Variants in SLC9A9 observed in about 807,000 individuals in gnomAD.
SLC9A9 encodes the protein solute carrier family 9 member A9.
A neutral mutation model predicts 77.8 loss-of-function variants in SLC9A9; 62 were observed. The ratio of observed to expected loss-of-function variants is 0.80; its 90% CI spans 0.65 to 0.98. SLC9A9 has a LOEUF of 0.98. SLC9A9 is among the 50% of genes least tolerant of loss of function. SLC9A9 has a pLI of 0.00. For synonymous variants in SLC9A9, 320 were observed against 283.5 expected (o/e 1.13, Z -1.29); for missense variants, 775 against 774.9 (o/e 1.00, Z 0.00).
chr3:143,781,219 T>A (rs1368624938), intron 4 of SLC9A9, among the ~76,000 whole-genome samples: 1 of 152,222 alleles, frequency 6.6e-6, no homozygotes, highest in South Asian at 2.1e-4. Context: ...AAGTTTCTAA[T>A]GTAAATTAAC....
At chr3:143,526,602 C>T (rs2036410059) in intron 9 of SLC9A9, among the ~76,000 whole-genome samples, 1 of 152,180 alleles carries the variant, frequency 6.6e-6, no homozygotes, top group African/African-American at 2.4e-5. Flanking sequence ...TGCCTCCTCA[C>T]AGCAGAGCTC....
At chr3:143,617,470 C>T (rs2038125923) in intron 6 of SLC9A9, among the ~76,000 whole-genome samples, 2 of 152,166 alleles carry the variant, frequency 1.3e-5, no homozygotes, top group Non-Finnish European at 2.9e-5. Context: ...CACTGGTGGC[C>T]CGTGGGCTTC....
At chr3:143,798,261 G>A (rs1329303471) in intron 2 of SLC9A9, among the ~76,000 whole-genome samples, 2 of 152,128 alleles carry the variant, frequency 1.3e-5, no homozygotes, top group Non-Finnish European at 2.9e-5. Context: ...AAACTCCGGC[G>A]CCAGTCACAG....
chr3:143,425,040 T>A (rs969444415), intron 12 of SLC9A9, among the ~76,000 whole-genome samples: 3 of 152,226 alleles, frequency 2.0e-5, no homozygotes, highest in Non-Finnish European at 4.4e-5. Context: ...GTGATCCATT[T>A]TCCCCTCAGG....
At chr3:143,710,171 C>A (rs1335962339) in intron 4 of SLC9A9, among the ~76,000 whole-genome samples, 1 of 152,148 alleles carries the variant, frequency 6.6e-6, no homozygotes, top group Non-Finnish European at 1.5e-5. Flanking sequence ...TGTATAAACA[C>A]AAACATATAC....
chr3:143,572,661 C>G (rs2037285471), intron 8 of SLC9A9, among the ~76,000 whole-genome samples: 1 of 152,152 alleles, frequency 6.6e-6, no homozygotes, highest in Admixed American at 6.5e-5. Context: ...ATACAAAGGC[C>G]TGGTAGGGTG....
At chr3:143,557,180 C>A (rs763928370) in intron 8 of SLC9A9, among the ~76,000 whole-genome samples, 10 of 152,076 alleles carry the variant, frequency 6.6e-5, no homozygotes, top group Admixed American at 3.3e-4. Flanking sequence ...ATGTGTCTGG[C>A]GTTTCCCCTG....
At chr3:143,521,959 G>A (rs1380636984) in intron 9 of SLC9A9, among the ~76,000 whole-genome samples, 2 of 152,116 alleles carry the variant, frequency 1.3e-5, no homozygotes, top group African/African-American at 2.4e-5. Flanking sequence ...GTGAGCTCGT[G>A]TTGGTGGGGC....
intron 9 of SLC9A9, among the ~76,000 whole-genome samples, chr3:143,539,373 C>T (rs2036647050): frequency 6.6e-6 from 1 of 152,154 alleles, no homozygotes; most frequent in African/African-American, 2.4e-5. Flanking sequence ...AGGAATTGCA[C>T]AAAGACTTAA....
chr3:143,736,376 C>T (rs1030187568), intron 4 of SLC9A9, among the ~76,000 whole-genome samples: 2 of 152,050 alleles, frequency 1.3e-5, no homozygotes, highest in Non-Finnish European at 2.9e-5. Flanking sequence ...GTCAAGTGTT[C>T]GATTATTCAT....
chr3:143,821,787 T>C (rs954673399), intron 2 of SLC9A9, among the ~76,000 whole-genome samples: 1 of 152,238 alleles, frequency 6.6e-6, no homozygotes, highest in Non-Finnish European at 1.5e-5. Context: ...TCTCAAAAGC[T>C]GGGACAAGCC....
At chr3:143,340,462 AGTGGGAAAAATAAAACAG>A (rs1465118299) in intron 14 of SLC9A9, among the ~76,000 whole-genome samples, 1 of 152,226 alleles carries the variant, frequency 6.6e-6, no homozygotes, top group Non-Finnish European at 1.5e-5. Context: ...TGGAGGCTAT[AGTGGGAAAAATAAAACAG>A]GTACTAATGA....
intron 14 of SLC9A9, among the ~76,000 whole-genome samples, chr3:143,312,273 A>C (rs1448170232): frequency 6.6e-6 from 1 of 152,230 alleles, no homozygotes. Flanking sequence ...ACTTTGGTGG[A>C]AAAACAAGTG....
At chr3:143,461,501 C>G (rs1559926676) in intron 12 of SLC9A9, among the ~76,000 whole-genome samples, 1 of 152,192 alleles carries the variant, frequency 6.6e-6, no homozygotes, top group Non-Finnish European at 1.5e-5. Flanking sequence ...TGAGCACTTA[C>G]TGTGTGCCCT....
intron 9 of SLC9A9, among the ~76,000 whole-genome samples, chr3:143,522,751 C>G (rs1004040139): frequency 2.2e-4 from 33 of 152,132 alleles, no homozygotes; most frequent in African/African-American, 7.7e-4. Flanking sequence ...TTGTATCTAC[C>G]TATACTAAGA....
At chr3:143,576,267 C>T (rs868066009) in intron 7 of SLC9A9, among the ~76,000 whole-genome samples, 1 of 152,198 alleles carries the variant, frequency 6.6e-6, no homozygotes, top group African/African-American at 2.4e-5. Context: ...ACAGTATCTA[C>T]CTTCCAGTGT....
chr3:143,735,164 C>A (rs1464273760), intron 4 of SLC9A9, among the ~76,000 whole-genome samples: 3 of 152,156 alleles, frequency 2.0e-5, no homozygotes, highest in South Asian at 2.1e-4. Context: ...AAAATAAATT[C>A]TCTTCTTTTT....
chr3:143,418,958 G>A (rs1015157024), intron 12 of SLC9A9, among the ~76,000 whole-genome samples: 2 of 152,076 alleles, frequency 1.3e-5, no homozygotes, highest in Non-Finnish European at 2.9e-5. Context: ...AATGCATTAC[G>A]TTAATAATGA....
chr3:143,328,811 G>A (rs17637392), intron 14 of SLC9A9, among the ~76,000 whole-genome samples: 29,188 of 152,144 alleles, frequency 0.19, 3,020 homozygotes, highest in Middle Eastern at 0.28. Context: ...TGGACCCCAG[G>A]GGTTGTATGT....
Sources: gnomAD v4.1 joint callset for allele counts (sites outside exome capture counted in the v4.1 genomes callset) on GRCh38, gnomAD v4.1.1 for gene constraint, MANE v1.5 for transcripts, NCBI Gene and HGNC (gene_info 2026-07-23, HGNC 2026-07-21) for gene names.